Variants in SCN11A observed in about 807,000 individuals in gnomAD.
The protein encoded by SCN11A is sodium channel protein type 11 subunit alpha.
A neutral mutation model predicts 162.2 loss-of-function variants in SCN11A; 122 were observed. The ratio of observed to expected loss-of-function variants is 0.75; its 90% CI spans 0.65 to 0.87. The LOEUF is 0.87. SCN11A is among the 40% of genes least tolerant of loss of function. The pLI is 0.00. For synonymous variants in SCN11A, 758 were observed against 751.5 expected, an observed-to-expected ratio of 1.01 and a Z score of -0.14; for missense variants, 2,015 against 2,181.6, an observed-to-expected ratio of 0.92 and a Z score of 1.52.
intron 2 of SCN11A, among the ~76,000 whole-genome samples, chr3:39,000,909 C>A (rs765439859): frequency 6.6e-6 from 1 of 151,882 alleles, no homozygotes; most frequent in East Asian, 1.9e-4. Flanking sequence ...TGGTGGTGTG[C>A]GCCTACAATC....
chr3:38,966,067 T>C (rs2066780110), intron 2 of SCN11A, among the ~76,000 whole-genome samples: 1 of 152,250 alleles, frequency 6.6e-6, no homozygotes, highest in African/African-American at 2.4e-5. Context: ...GCAGCTGGCT[T>C]AGTACCTGAG....
chr3:38,905,567 C>T (rs1177449126), intron 14 of SCN11A, among the ~76,000 whole-genome samples: 1 of 152,208 alleles, frequency 6.6e-6, no homozygotes, highest in East Asian at 1.9e-4. Flanking sequence ...TACCTACAGA[C>T]ATTTTACTTT....
chr3:38,915,014 GCTC>G (rs1299888868), intron 11 of SCN11A, among the ~76,000 whole-genome samples: 1 of 151,908 alleles, frequency 6.6e-6, no homozygotes, highest in Non-Finnish European at 1.5e-5. Flanking sequence ...AGGAGTCTCT[GCTC>G]CTCAATTTTT....
chr3:38,890,760 A>G (rs1363251594), intron 19 of SCN11A, among the ~76,000 whole-genome samples: 1 of 152,238 alleles, frequency 6.6e-6, no homozygotes, highest in Admixed American at 6.5e-5. Context: ...CTGAAACAAC[A>G]GTCATCCTAC....
chr3:38,946,877 T>C lies in SCN11A; in HGVS notation c.298A>G (p.Ile100Val), dbSNP rs769546986. 3.7e-6 allele frequency: 6 copies of C among 1,613,400 alleles called. No homozygotes were observed. The Admixed American group carries it at 1.0e-4, about 27-fold the overall frequency. The change falls in exon 6 of 30, where the codon ATC (isoleucine) becomes GTC (valine). Residue 100 changes from isoleucine to valine, a missense_variant. Coordinates refer to ENST00000302328, the MANE Select transcript of SCN11A (RefSeq NM_001349253.2). ...GCATGCTTGGCACTGAAGCGGTAGA[T>C]TGTCCTCTTTCTGTTTAACACCATA... ...TFMVLNRKRT[I>V]YRFSAKHALF...
chr3:38,934,834 AC>A (rs1314060310), intron 7 of SCN11A, among the ~76,000 whole-genome samples: 1 of 152,064 alleles, frequency 6.6e-6, no homozygotes, highest in Non-Finnish European at 1.5e-5. Context: ...CAGAAAGTTA[AC>A]AAGGATACCC....
chr3:38,870,757 C>T lies in SCN11A; in HGVS notation c.3760-13G>A. On this transcript the variant is annotated splice_polypyrimidine_tract_variant and intron_variant, in intron 25 of 29. Transcript: ENST00000302328. ...CCTTAAATGTTGCCTGCAACAAAAG[C>T]AGAAAAACATGAATAATACAAATGT... 1 of 1,610,856 alleles carries T rather than the reference C, an allele frequency of 6.2e-7. No individual in the cohort carries two copies. Among genetic ancestry groups the T allele is most frequent in the Non-Finnish European group, 8.5e-7 (1 of 1,177,366 alleles).
chr3:38,894,620 C>T lies in SCN11A; in HGVS notation c.2748G>A (p.Leu916=), dbSNP rs1376717667. The T allele has an allele frequency of 8.7e-6, 14 of 1,614,132 alleles. No homozygotes were observed. The highest frequency in any genetic ancestry group is 1.2e-5 in the Non-Finnish European group (14 of 1,179,994). ...TLGVRHDWTW[L]APLAEEEDDV... ...CATCTTCCTCCTCCGCAAGTGGTGC[C>T]AACCAAGTCCAATCATGCCTGACGC... The change falls in exon 19 of 30, where the codon TTG becomes TTA. Residue 916 remains leucine (L), a synonymous_variant. Transcript: ENST00000302328.
chr3:38,927,101 G>C (rs756620776), intron 7 of SCN11A, among the ~76,000 whole-genome samples, 170 bp from the exon 8 acceptor site: 18 of 152,028 alleles, frequency 1.2e-4, no homozygotes, highest in Non-Finnish European at 2.2e-4. Context: ...AGCAAGTCCT[G>C]GTATTTAGAA....
chr3:38,878,802 A>G (rs933978272), intron 23 of SCN11A, among the ~76,000 whole-genome samples: 2 of 152,118 alleles, frequency 1.3e-5, no homozygotes, highest in African/African-American at 4.8e-5. Context: ...CACATGGTCT[A>G]TTTGTGCTAA....
At position 38,846,749 on chromosome 3, in the gene SCN11A, C is replaced by A; in HGVS notation, c.5321G>T (p.Cys1774Phe). Residue 1774 changes from cysteine (C) to phenylalanine (F), a missense_variant, in exon 30 of 30, where the codon TGC (cysteine) becomes TTC (phenylalanine). Cys to Phe is a radical substitution (Grantham distance 205). Coordinates refer to ENST00000302328, the MANE Select transcript of SCN11A (RefSeq NM_001349253.2). ...CCCAAAGCTAGACAAGTCTCCATTGCAAAGAGTCTGGAGTGGTGAATGAGG... is the reference window on the plus strand; with the variant it reads ...CCCAAAGCTAGACAAGTCTCCATTGAAAAGAGTCTGGAGTGGTGAATGAGG... ...NGPHSPLQTL[C>F]NGDLSSFGVA... 6.2e-7 allele frequency: 1 copy of A among 1,614,138 alleles called. No homozygotes were observed. The highest frequency in any genetic ancestry group is 8.5e-7 in the Non-Finnish European group (1 of 1,180,022).
At chr3:39,008,480 C>A (rs762714658) in intron 2 of SCN11A, among the ~76,000 whole-genome samples, 1 of 152,084 alleles carries the variant, frequency 6.6e-6, no homozygotes, top group Non-Finnish European at 1.5e-5. Flanking sequence ...AGGAGACACC[C>A]GGATAACTGC....
intron 11 of SCN11A, 34 bp from the exon 12 acceptor site, chr3:38,910,241 GT>G (rs1203060738): frequency 1.0e-5 from 16 of 1,594,336 alleles, no homozygotes; most frequent in Non-Finnish European, 1.3e-5. Flanking sequence ...AAATAATTAT[GT>G]ACGCCACAGC....
chr3:38,987,952 T>C (rs1469981014), intron 2 of SCN11A, among the ~76,000 whole-genome samples: 1 of 152,182 alleles, frequency 6.6e-6, no homozygotes. Context: ...GAGCACAAAG[T>C]CTGCAGTTCA....
intron 1 of SCN11A, among the ~76,000 whole-genome samples, chr3:39,036,738 T>C (rs145452378): frequency 1.2e-4 from 18 of 152,220 alleles, no homozygotes; most frequent in African/African-American, 3.9e-4. Context: ...AATGAAAAGG[T>C]GCCCAACATC....
intron 7 of SCN11A, among the ~76,000 whole-genome samples, chr3:38,939,722 G>C (rs1373329102): frequency 1.3e-5 from 2 of 152,000 alleles, no homozygotes; most frequent in Non-Finnish European, 1.5e-5. Flanking sequence ...TGACCAACAT[G>C]GAGAAACCCC....
intron 2 of SCN11A, among the ~76,000 whole-genome samples, chr3:39,018,731 C>T (rs886381537): frequency 2.6e-5 from 4 of 151,966 alleles, no homozygotes; most frequent in Non-Finnish European, 5.9e-5. Context: ...GGCAGGAGAA[C>T]GGCGTGAACC....
chr3:38,866,898 T>G (rs2065049189), intron 27 of SCN11A, among the ~76,000 whole-genome samples: 1 of 152,184 alleles, frequency 6.6e-6, no homozygotes, highest in African/African-American at 2.4e-5. Context: ...GCTTGGGTGC[T>G]GGGGGCCAGG....
At chr3:38,934,875 G>C (rs1257478980) in intron 7 of SCN11A, among the ~76,000 whole-genome samples, 4 of 151,608 alleles carry the variant, frequency 2.6e-5, no homozygotes, top group Admixed American at 6.6e-5. Context: ...GCACCAAGCG[G>C]ACCTAATAGA....
Sources: gnomAD v4.1 joint callset for allele counts (sites outside exome capture counted in the v4.1 genomes callset) on GRCh38, gnomAD v4.1.1 for gene constraint, MANE v1.5 for transcripts, NCBI Gene and HGNC (gene_info 2026-07-23, HGNC 2026-07-21) for gene names.